Variants in MLXIPL observed in about 807,000 individuals in gnomAD.
MLXIPL encodes carbohydrate-responsive element-binding protein.
Under a neutral mutation model 81.5 loss-of-function variants are expected in MLXIPL, and 49 were observed. That is an observed-to-expected ratio of 0.60 (90% CI 0.48 to 0.76). The LOEUF (loss-of-function observed/expected upper bound fraction) is 0.76. MLXIPL is among the 30% of genes least tolerant of loss of function. The pLI, the probability that MLXIPL is intolerant of heterozygous loss-of-function variation, is 0.00. For synonymous variants in MLXIPL, 466 were observed against 485.5 expected (o/e 0.96, Z 0.53); for missense variants, 1,053 against 1,167.0 (o/e 0.90, Z 1.42).
chr7:73,596,522 G>A lies in MLXIPL; in HGVS notation c.1823-43C>T. 2.5e-6 allele frequency: 4 copies of A among 1,610,490 alleles called. No individual in the cohort carries two copies. The highest frequency in any genetic ancestry group is 3.4e-6 in the Non-Finnish European group (4 of 1,178,474). ...AGACCCACAGAAAGACCGACCCAGG[G>A]GAAAGGGTCCCCATTGCCCCCTTCC... On this transcript the variant is annotated intron_variant, in intron 11 of 16. Transcript: ENST00000313375. This position sits in a 1 kb window ranked among gnomAD's most constrained non-coding sequence, Gnocchi z 4.7.
Position 73,596,881 on chromosome 7 carries a change from C to G in MLXIPL, c.1655G>C (p.Arg552Pro). Reference sequence around the variant, plus strand: ...AGATCTTACCGGGGACCCTGGGGACCGGAGGAGGGTGCTGGATACAAGTGG... The same window carrying G: ...AGATCTTACCGGGGACCCTGGGGACGGGAGGAGGGTGCTGGATACAAGTGG... The part of the protein sequence containing the change: ...EPPLVSSTLL[R>P]SPGSPQETVP... The change falls in exon 10 of 17, where the codon CGG (arginine) becomes CCG (proline). Residue 552 changes from arginine (R) to proline (P), a missense_variant. Around this residue, in one of 3 missense-constraint regions of MLXIPL, gnomAD observed 823 missense variants for 933.0 expected, o/e 0.88. Transcript: ENST00000313375. This position sits in a 1 kb window ranked among gnomAD's most constrained non-coding sequence, Gnocchi z 4.7. 6.2e-7 allele frequency: 1 copy of G among 1,611,424 alleles called. No homozygotes were observed. Among genetic ancestry groups the G allele is most frequent in the Non-Finnish European group, 8.5e-7 (1 of 1,179,644 alleles).
the MLXIPL span, among the ~76,000 whole-genome samples, chr7:73,629,894 G>T: frequency 6.6e-6 from 1 of 152,104 alleles, no homozygotes; most frequent in Non-Finnish European, 1.5e-5. Flanking sequence ...GCTATATAAA[G>T]CTAACCTTTA....
chr7:73,639,599 T>A, the MLXIPL span, among the ~76,000 whole-genome samples: 2 of 149,506 alleles, frequency 1.3e-5, no homozygotes, highest in Admixed American at 1.3e-4. Flanking sequence ...GGCAACATAA[T>A]GAGACCCTAT....
At position 73,593,824 on chromosome 7, in the gene MLXIPL, GC is replaced by G. The variant is rs1794038897; in HGVS notation, c.*40del. The G allele has an allele frequency of 6.5e-7, 1 of 1,535,678 alleles. No homozygotes were observed. Among genetic ancestry groups the G allele is most frequent in the Non-Finnish European group, 9.0e-7 (1 of 1,109,164 alleles). ...CTGGAGCCCGTGCCCAGGGAAAGCA[GC>G]CCCCAGGGCAGCTGAGTGAGCAGCA... On this transcript the variant is annotated 3_prime_UTR_variant, in exon 17 of 17. Transcript: ENST00000313375.
In MLXIPL at chr7:73,623,462, G is replaced by T. The variant is rs1441590383; in HGVS notation, c.293+738C>A. On this transcript the variant is annotated intron_variant, in intron 1 of 16. Coordinates refer to ENST00000313375, the MANE Select transcript of MLXIPL (RefSeq NM_032951.3). This position sits in a 1 kb window ranked among gnomAD's most constrained non-coding sequence, Gnocchi z 5.7. ...GCGGGGCGCGGCCTGTGCGCTCTCGGTGGCACTAAGCGGGGGTCCCAGGCA... is the reference window on the plus strand; with the variant it reads ...GCGGGGCGCGGCCTGTGCGCTCTCGTTGGCACTAAGCGGGGGTCCCAGGCA... Among the ~76,000 whole-genome samples, 2 of 152,150 alleles carry T rather than the reference G, an allele frequency of 1.3e-5. No homozygotes were observed. The highest frequency in any genetic ancestry group is 2.1e-4 in the South Asian group (1 of 4,820).
upstream of MLXIPL, chr7:73,624,539 G>C (rs782161099): frequency 6.7e-7 from 1 of 1,491,094 alleles, no homozygotes; most frequent in Non-Finnish European, 8.9e-7. Flanking sequence ...CGCAGCGCGG[G>C]GAACAGCTCT....
At chr7:73,628,592 C>T (rs1173642873), upstream of MLXIPL, among the ~76,000 whole-genome samples, 1 of 151,984 alleles carries the variant, frequency 6.6e-6, no homozygotes, top group African/African-American at 2.4e-5. Context: ...AACTCCTGGG[C>T]CAAAGTGATC....
chr7:73,630,406 C>T, the MLXIPL span, among the ~76,000 whole-genome samples: 1 of 151,236 alleles, frequency 6.6e-6, no homozygotes, highest in East Asian at 2.0e-4. Flanking sequence ...GATCCTCCCA[C>T]CTAAACCTCC....
chr7:73,633,347 GT>G, the MLXIPL span, among the ~76,000 whole-genome samples: 30,302 of 138,456 alleles, frequency 0.22, 3,269 homozygotes, highest in African/African-American at 0.31. Context: ...CTCCCAAAGT[GT>G]TTTTTTTTTT....
intron 1 of MLXIPL, among the ~76,000 whole-genome samples, chr7:73,618,306 A>G (rs1483480269): frequency 6.6e-6 from 1 of 152,200 alleles, no homozygotes; most frequent in African/African-American, 2.4e-5. Context: ...CATGTTGGCC[A>G]GGCTGGTCTC....
intron 7 of MLXIPL, among the ~76,000 whole-genome samples, chr7:73,600,316 G>C (rs1414103863): frequency 7.0e-6 from 1 of 143,400 alleles, no homozygotes; most frequent in Non-Finnish European, 1.5e-5. Flanking sequence ...GGGGCCTAAG[G>C]GTGGGCTCTG....
At chr7:73,646,554 C>T in the MLXIPL span, among the ~76,000 whole-genome samples, 8 of 152,134 alleles carry the variant, frequency 5.3e-5, no homozygotes, top group African/African-American at 1.9e-4. Context: ...GAGCCCTGGC[C>T]TGGCTCAGCC....
chr7:73,647,384 C>T, the MLXIPL span, among the ~76,000 whole-genome samples: 1 of 152,162 alleles, frequency 6.6e-6, no homozygotes, highest in Admixed American at 6.5e-5. Context: ...CAGGGAGAGC[C>T]AGAGGGAGGA....
At chr7:73,605,851 G>A (rs1429081435) in intron 6 of MLXIPL, 59 bp downstream of exon 6, 3 of 1,562,336 alleles carry the variant, frequency 1.9e-6, no homozygotes, top group East Asian at 4.7e-5. Flanking sequence ...TCCCTCCCTT[G>A]GCCTCCTGGA....
At chr7:73,617,172 C>T (rs148634649) in intron 1 of MLXIPL, among the ~76,000 whole-genome samples, 12 of 152,124 alleles carry the variant, frequency 7.9e-5, no homozygotes, top group South Asian at 2.1e-4. Context: ...TGCGCCACCA[C>T]GTTCAGCTAA....
intron 16 of MLXIPL, 123 bp from the exon 17 acceptor site, chr7:73,594,106 CTCTG>C: frequency 7.2e-7 from 1 of 1,385,958 alleles, no homozygotes; most frequent in Non-Finnish European, 1.0e-6. Flanking sequence ...CTCCTAGAAC[CTCTG>C]TCTACAGGCG....
rs376076674 is a variant in MLXIPL, at chr7:73,605,945, G to T, written c.785C>A (p.Ser262Tyr). ...CGGCAGCTGCAGGGGCGAAGGGCCG[G>T]ACTGAGTCATGGTGAAGAGAGTGTC... The part of the protein sequence containing the change: ...ISDTLFTMTQ[S>Y]GPSPLQLPPE... The change falls in exon 6 of 17, where the codon TCC (serine) becomes TAC (tyrosine). Residue 262 changes from serine (S) to tyrosine (Y), a missense_variant. By Grantham distance (144) the Ser-to-Tyr change is moderately radical. Coordinates refer to ENST00000313375, the MANE Select transcript of MLXIPL (RefSeq NM_032951.3). 1 of 1,596,342 alleles carries T rather than the reference G, an allele frequency of 6.3e-7. No individual in the cohort carries two copies.
intron 7 of MLXIPL, among the ~76,000 whole-genome samples, chr7:73,602,469 G>A (rs1302232781): frequency 2.0e-5 from 3 of 150,892 alleles, no homozygotes; most frequent in South Asian, 2.1e-4. Context: ...TCAGGAGTTC[G>A]AGACCAGCCT....
At chr7:73,622,201 T>A (rs1279854937) in intron 1 of MLXIPL, among the ~76,000 whole-genome samples, 2 of 151,258 alleles carry the variant, frequency 1.3e-5, no homozygotes, top group Non-Finnish European at 2.9e-5. Context: ...TTAAAGAAAA[T>A]TTTTTTTGGC....
Sources: gnomAD v4.1 joint callset for allele counts (sites outside exome capture counted in the v4.1 genomes callset) on GRCh38, gnomAD v4.1.1 for gene constraint, gnomAD v4.1.1 regional missense constraint, Gnocchi (gnomAD v3.1) non-coding constraint, MANE v1.5 for transcripts, NCBI Gene and HGNC (gene_info 2026-07-23, HGNC 2026-07-21) for gene names.